The following SLC24A2 variants were observed in gnomAD, a reference collection of about 807,000 sequenced individuals.
SLC24A2 encodes the protein solute carrier family 24 member 2, also known as sodium/potassium/calcium exchanger 2.
SLC24A2 carries 36 observed loss-of-function variants against 62.0 expected under a neutral mutation model. The observed-to-expected ratio is 0.58, with a 90% CI of 0.44 to 0.77. The LOEUF is 0.77. SLC24A2 is among the 30% of genes least tolerant of loss of function. SLC24A2 has a pLI of 0.00. For synonymous variants in SLC24A2, 358 were observed against 294.0 expected (o/e 1.22, Z -2.23); for missense variants, 846 against 817.9 (o/e 1.03, Z -0.42).
At chr9:19,529,428 A>AAT (rs1833593896) in intron 8 of SLC24A2, among the ~76,000 whole-genome samples, 1 of 152,136 alleles carries the variant, frequency 6.6e-6, no homozygotes, top group South Asian at 2.1e-4. Context: ...TCAAGTTTTC[A>AAT]ATATATATTT....
At chr9:20,254,179 T>G in the SLC24A2 span, among the ~76,000 whole-genome samples, 1 of 152,204 alleles carries the variant, frequency 6.6e-6, no homozygotes, top group Non-Finnish European at 1.5e-5. Flanking sequence ...TGACTTTCAT[T>G]AAAACCCATG....
chr9:19,648,527 A>T (rs560627343), intron 2 of SLC24A2, among the ~76,000 whole-genome samples: 60 of 152,354 alleles, frequency 3.9e-4, no homozygotes, highest in Non-Finnish European at 8.7e-4. Context: ...AAAGCTAGGT[A>T]ACAAGGCAAC....
At chr9:20,215,519 A>C in the SLC24A2 span, among the ~76,000 whole-genome samples, 3 of 152,326 alleles carry the variant, frequency 2.0e-5, no homozygotes, top group Admixed American at 6.5e-5. Flanking sequence ...CCCTGAACAA[A>C]TGTAGCATTT....
At chr9:19,948,062 C>A in the SLC24A2 span, among the ~76,000 whole-genome samples, 1 of 152,104 alleles carries the variant, frequency 6.6e-6, no homozygotes, top group Non-Finnish European at 1.5e-5. Flanking sequence ...AACATATTTC[C>A]CAGCTGTCAA....
rs7044204 is a variant in SLC24A2 at position 19,515,709 on chromosome 9, T to C, written c.*444A>G. On this transcript the variant is annotated 3_prime_UTR_variant, in exon 11 of 11. Coordinates refer to ENST00000341998, the MANE Select transcript of SLC24A2 (RefSeq NM_020344.4). ...ATATCTGATTTTATATATATATATA[T>C]AATTTTTCTTTGTCTTTATTTACAG... 6.6e-6 allele frequency: 1 copy of C among 152,386 alleles called. No individual in the cohort carries two copies. Among genetic ancestry groups the C allele is most frequent in the Non-Finnish European group, 1.5e-5 (1 of 68,536 alleles). The allele number at this position is 152,386 out of a possible 1,614,324, so 9.4% of individuals were successfully genotyped here. A position where few individuals can be genotyped will look rare whatever the true frequency, so the allele number is the denominator to read the frequency against.
chr9:19,620,443 T>G (rs1189897674), intron 3 of SLC24A2, among the ~76,000 whole-genome samples: 1 of 152,204 alleles, frequency 6.6e-6, no homozygotes, highest in African/African-American at 2.4e-5. Flanking sequence ...GCTCTTATCA[T>G]GAAACCATGA....
the SLC24A2 span, among the ~76,000 whole-genome samples, chr9:20,161,757 T>TACACACACACACACAC: frequency 4.8e-5 from 7 of 147,232 alleles, no homozygotes; most frequent in African/African-American, 1.8e-4. Context: ...AACATGAAGA[T>TACACACACACACACAC]ACACACACAC....
chr9:20,097,993 C>T, the SLC24A2 span, among the ~76,000 whole-genome samples: 6 of 151,436 alleles, frequency 4.0e-5, no homozygotes, highest in East Asian at 7.7e-4. Flanking sequence ...TCGCCCGCCT[C>T]GGCCTCCCAA....
the SLC24A2 span, among the ~76,000 whole-genome samples, chr9:20,172,964 G>A: frequency 6.6e-6 from 1 of 151,836 alleles, no homozygotes; most frequent in South Asian, 2.1e-4. Context: ...ATCCAACAAC[G>A]TATCAAAAGA....
chr9:20,028,244 C>T, the SLC24A2 span, among the ~76,000 whole-genome samples: 1 of 152,132 alleles, frequency 6.6e-6, no homozygotes, highest in African/African-American at 2.4e-5. Context: ...CCCTCATTTC[C>T]CCCACCTGCA....
At chr9:20,134,653 G>A in the SLC24A2 span, among the ~76,000 whole-genome samples, 1 of 152,170 alleles carries the variant, frequency 6.6e-6, no homozygotes, top group Non-Finnish European at 1.5e-5. Context: ...AGTGTTATTA[G>A]AGTCCCATTA....
intron 2 of SLC24A2, among the ~76,000 whole-genome samples, chr9:19,680,638 G>T (rs1446759720): frequency 6.8e-6 from 1 of 146,442 alleles, no homozygotes; most frequent in African/African-American, 2.5e-5. Flanking sequence ...CTAACTTTAT[G>T]AAAGTATATA....
At chr9:19,536,189 ATTT>A (rs1209795135) in intron 8 of SLC24A2, among the ~76,000 whole-genome samples, 1 of 142,708 alleles carries the variant, frequency 7.0e-6, no homozygotes, top group African/African-American at 2.6e-5. Context: ...TTTTTTTTTA[ATTT>A]TTTATTTATT....
chr9:19,909,955 A>G, the SLC24A2 span, among the ~76,000 whole-genome samples: 4 of 152,060 alleles, frequency 2.6e-5, no homozygotes, highest in African/African-American at 9.7e-5. Context: ...TCTCATGTCA[A>G]TGATCCTTCC....
At chr9:19,766,826 G>A (rs1164658550) in intron 2 of SLC24A2, among the ~76,000 whole-genome samples, 1 of 152,194 alleles carries the variant, frequency 6.6e-6, no homozygotes, top group Non-Finnish European at 1.5e-5. Flanking sequence ...GTGCTGTGCT[G>A]GGAGATCTGC....
At chr9:19,693,411 C>G (rs1322487940) in intron 2 of SLC24A2, among the ~76,000 whole-genome samples, 5 of 152,064 alleles carry the variant, frequency 3.3e-5, no homozygotes, top group African/African-American at 9.7e-5. Flanking sequence ...TGACTGTTTA[C>G]TAGTTTATTA....
At chr9:20,027,351 C>A in the SLC24A2 span, among the ~76,000 whole-genome samples, 1 of 152,116 alleles carries the variant, frequency 6.6e-6, no homozygotes, top group African/African-American at 2.4e-5. Flanking sequence ...TCTACATTCC[C>A]ATGTTTACTG....
chr9:19,899,301 A>C, the SLC24A2 span, among the ~76,000 whole-genome samples: 3 of 152,212 alleles, frequency 2.0e-5, no homozygotes, highest in Non-Finnish European at 4.4e-5. Flanking sequence ...GCCTTTTAGA[A>C]AATGAGCTGC....
intron 1 of SLC24A2, 127 bp downstream of exon 1, chr9:19,788,758 G>A: frequency 1.0e-6 from 1 of 985,362 alleles, no homozygotes; most frequent in Non-Finnish European, 1.2e-6. Flanking sequence ...GGGGCCTGGG[G>A]CGCCCACATC....
Sources: allele counts gnomAD v4.1 joint callset (sites outside exome capture counted in the v4.1 genomes callset), GRCh38; gene constraint gnomAD v4.1.1; transcripts MANE v1.5; gene names NCBI Gene and HGNC (gene_info 2026-07-23, HGNC 2026-07-21).